The following EHBP1 variants were observed in gnomAD, a reference collection of about 807,000 sequenced individuals.
EHBP1 encodes EH domain-binding protein 1.
EHBP1 carries 55 observed loss-of-function variants against 144.0 expected under a neutral mutation model. The ratio of observed to expected loss-of-function variants is 0.38; its 90% CI spans 0.31 to 0.48. EHBP1 has a LOEUF of 0.48. Ranked by LOEUF, EHBP1 falls within the 20% of genes least tolerant of loss-of-function variation. The probability of loss-of-function intolerance (pLI) is 0.98; values close to 1 mark genes in which losing one functional copy is unlikely to be tolerated. For synonymous variants in EHBP1, 469 were observed against 472.7 expected (o/e 0.99, Z 0.10); for missense variants, 1,200 against 1,364.2 (o/e 0.88, Z 1.90).
chr2:62,784,439 C>T (rs928468780), intron 5 of EHBP1, among the ~76,000 whole-genome samples: 1 of 152,224 alleles, frequency 6.6e-6, no homozygotes, highest in Middle Eastern at 3.4e-3. Flanking sequence ...GTTTCACCTG[C>T]ATGTAGTTCT....
At chr2:62,935,155 G>A (rs1458009483) in intron 10 of EHBP1, among the ~76,000 whole-genome samples, 2 of 151,436 alleles carry the variant, frequency 1.3e-5, no homozygotes, top group Non-Finnish European at 2.9e-5. Context: ...TGGTGAAACC[G>A]TGTCTCTACT....
chr2:62,844,473 T>C (rs547642571), intron 7 of EHBP1, among the ~76,000 whole-genome samples: 1 of 152,224 alleles, frequency 6.6e-6, no homozygotes, highest in South Asian at 2.1e-4. Flanking sequence ...ACCTTGGAGC[T>C]GGAGAAAAAA....
At chr2:62,841,053 C>A (rs918446633) in intron 7 of EHBP1, among the ~76,000 whole-genome samples, 1 of 151,982 alleles carries the variant, frequency 6.6e-6, no homozygotes, top group Non-Finnish European at 1.5e-5. Flanking sequence ...ATGTTTATTG[C>A]GGCATTATTC....
intron 7 of EHBP1, among the ~76,000 whole-genome samples, chr2:62,848,606 A>G (rs1306105267): frequency 1.3e-5 from 2 of 152,238 alleles, no homozygotes; most frequent in South Asian, 2.1e-4. Context: ...ATAAAAATGA[A>G]CTATTGATAT....
chr2:62,828,660 T>A (rs1023136068), intron 6 of EHBP1, among the ~76,000 whole-genome samples: 1 of 152,218 alleles, frequency 6.6e-6, no homozygotes, highest in African/African-American at 2.4e-5. Context: ...GTTTCCCTCT[T>A]ACCCACAAAC....
intron 12 of EHBP1, among the ~76,000 whole-genome samples, chr2:62,947,537 C>T (rs2057135333): frequency 6.6e-6 from 1 of 152,202 alleles, no homozygotes; most frequent in East Asian, 1.9e-4. Flanking sequence ...TTCCTAGCAA[C>T]ACAATGCTGT....
chr2:62,897,172 G>A (rs370951727), intron 10 of EHBP1, among the ~76,000 whole-genome samples: 11 of 151,898 alleles, frequency 7.2e-5, no homozygotes, highest in African/African-American at 1.7e-4. Flanking sequence ...ATGTTTATTC[G>A]TATTATTCCC....
At chr2:63,023,434 C>T (rs1482186099) in intron 19 of EHBP1, among the ~76,000 whole-genome samples, 1 of 152,106 alleles carries the variant, frequency 6.6e-6, no homozygotes, top group Non-Finnish European at 1.5e-5. Context: ...GTGGACTTTA[C>T]CTGTAAAAAT....
intron 10 of EHBP1, among the ~76,000 whole-genome samples, chr2:62,894,556 G>C (rs1331144311): frequency 1.3e-5 from 2 of 152,168 alleles, no homozygotes; most frequent in East Asian, 3.9e-4. Flanking sequence ...ATTGAAGTAT[G>C]AAAGTGCCCA....
At chr2:63,022,567 C>T (rs1276371741) in intron 19 of EHBP1, among the ~76,000 whole-genome samples, 3 of 151,580 alleles carry the variant, frequency 2.0e-5, no homozygotes, top group Non-Finnish European at 2.9e-5. Flanking sequence ...CGCCTGCCTC[C>T]GCCTCCCAAA....
At chr2:62,907,906 C>G (rs1175637325) in intron 10 of EHBP1, among the ~76,000 whole-genome samples, 3 of 152,086 alleles carry the variant, frequency 2.0e-5, no homozygotes, top group Admixed American at 6.5e-5. Flanking sequence ...GTTTTGGTTC[C>G]TGACTGAAGT....
chr2:62,954,605 TAA>T (rs2153108172), intron 13 of EHBP1, among the ~76,000 whole-genome samples: 1 of 152,192 alleles, frequency 6.6e-6, no homozygotes, highest in Non-Finnish European at 1.5e-5. Flanking sequence ...TAGTAAAATA[TAA>T]AGACCACAAA....
At chr2:62,950,414 A>G (rs1360259350) in intron 13 of EHBP1, among the ~76,000 whole-genome samples, 1 of 152,182 alleles carries the variant, frequency 6.6e-6, no homozygotes, top group African/African-American at 2.4e-5. Flanking sequence ...TTTCTTTTAT[A>G]TTGAGATTTA....
At chr2:62,821,276 A>AACAGACAAACAGAGAGCCAAAT (rs2045961678) in intron 5 of EHBP1, among the ~76,000 whole-genome samples, 1 of 152,188 alleles carries the variant, frequency 6.6e-6, no homozygotes, top group Non-Finnish European at 1.5e-5. Flanking sequence ...GAGAGGCATT[A>AACAGACAAACAGAGAGCCAAAT]CATTAATTTT....
At chr2:62,770,752 C>A (rs1459901664) in intron 4 of EHBP1, among the ~76,000 whole-genome samples, 1 of 152,188 alleles carries the variant, frequency 6.6e-6, no homozygotes, top group African/African-American at 2.4e-5. Flanking sequence ...GACATGGAAT[C>A]AACCTAAATG....
chr2:62,898,796 C>T (rs908127342), intron 10 of EHBP1, among the ~76,000 whole-genome samples: 1 of 151,996 alleles, frequency 6.6e-6, no homozygotes, highest in Non-Finnish European at 1.5e-5. Context: ...AAAAGAGGAT[C>T]GGAGAGGAGA....
chr2:62,804,010 A>G (rs555192102), intron 5 of EHBP1, among the ~76,000 whole-genome samples: 1 of 152,214 alleles, frequency 6.6e-6, no homozygotes, highest in Non-Finnish European at 1.5e-5. Flanking sequence ...ATATTACAGT[A>G]AAAGACTTAG....
intron 5 of EHBP1, among the ~76,000 whole-genome samples, chr2:62,794,565 T>C (rs1354295045): frequency 6.6e-6 from 1 of 152,036 alleles, no homozygotes; most frequent in African/African-American, 2.4e-5. Context: ...TCAAATACCC[T>C]AAATTTGAGG....
chr2:62,877,595 T>C (rs950629422), intron 10 of EHBP1, among the ~76,000 whole-genome samples: 1 of 152,180 alleles, frequency 6.6e-6, no homozygotes, highest in African/African-American at 2.4e-5. Context: ...ACATGCTCAG[T>C]CATAACACAA....
Sources: gnomAD v4.1 joint callset for allele counts (sites outside exome capture counted in the v4.1 genomes callset) on GRCh38, gnomAD v4.1.1 for gene constraint, MANE v1.5 for transcripts, NCBI Gene and HGNC (gene_info 2026-07-23, HGNC 2026-07-21) for gene names.